SLC24A3: variants seen among roughly 807,000 people sequenced by gnomAD.
The protein encoded by SLC24A3 is sodium/potassium/calcium exchanger 3.
SLC24A3 carries 28 observed loss-of-function variants against 75.8 expected under a neutral mutation model. The ratio of observed to expected loss-of-function variants is 0.37; its 90% confidence interval spans 0.27 to 0.51. The LOEUF (loss-of-function observed/expected upper bound fraction) is 0.51, where lower values mean the gene tolerates loss of function less well. Among genes scored for constraint, SLC24A3 ranks in the 20% least tolerant of loss-of-function variants. The pLI, the probability that SLC24A3 is intolerant of heterozygous loss-of-function variation, is 0.94. For synonymous variants in SLC24A3, 372 were observed against 334.1 expected, an observed-to-expected ratio of 1.11 and a Z score of -1.24; for missense variants, 663 against 847.8, an observed-to-expected ratio of 0.78 and a Z score of 2.71.
At chr20:19,397,846 C>T (rs1376318549) in intron 2 of SLC24A3, among the ~76,000 whole-genome samples, 1 of 151,750 alleles carries the variant, frequency 6.6e-6, no homozygotes, top group Non-Finnish European at 1.5e-5. Context: ...AGGAGGAGCT[C>T]TAGGGCAACA....
intron 4 of SLC24A3, among the ~76,000 whole-genome samples, chr20:19,581,414 C>T (rs1271163155): frequency 6.6e-6 from 1 of 152,172 alleles, no homozygotes; most frequent in African/African-American, 2.4e-5. Flanking sequence ...CAGTTGTCAG[C>T]ATGTGTTCTA....
chr20:19,294,325 C>G (rs1344046484), intron 2 of SLC24A3, among the ~76,000 whole-genome samples: 2 of 151,998 alleles, frequency 1.3e-5, no homozygotes, highest in Non-Finnish European at 2.9e-5. Context: ...TTCTGGGATA[C>G]AGGTGCAGGA....
In SLC24A3 at chr20:19,283,732, T is replaced by C. The variant is rs1983727803; in HGVS notation, c.271+2645T>C. ...GAGTCTCTGTGTGCTTCTCTAGAAG[T>C]TGACATCATCATTCTGATCTTTCAT... is the stretch of plus-strand genomic sequence containing the variant. On this transcript the variant is annotated intron_variant, in intron 2 of 16. Coordinates refer to ENST00000328041, the MANE Select transcript of SLC24A3 (RefSeq NM_020689.4). Among the ~76,000 whole-genome samples the C allele has an allele frequency of 2.0e-5, 3 of 152,336 alleles. No individual in the cohort carries two copies. In the South Asian group the frequency reaches 6.2e-4, roughly 32 times the overall value.
chr20:19,341,309 C>T (rs1985268185), intron 2 of SLC24A3, among the ~76,000 whole-genome samples: 2 of 152,150 alleles, frequency 1.3e-5, no homozygotes, highest in Non-Finnish European at 2.9e-5. Flanking sequence ...ATACAGATTC[C>T]TGGGACCTGC....
chr20:19,308,418 G>A (rs990098), intron 2 of SLC24A3, among the ~76,000 whole-genome samples: 23,500 of 152,152 alleles, frequency 0.15, 4,436 homozygotes, highest in African/African-American at 0.43. Context: ...TTTGTTATGC[G>A]TTTTGTTTGG....
intron 4 of SLC24A3, among the ~76,000 whole-genome samples, chr20:19,581,565 G>A (rs888491069): frequency 6.6e-6 from 1 of 152,180 alleles, no homozygotes; most frequent in Admixed American, 6.5e-5. Context: ...GAAAGAAAAT[G>A]TTTAAGGAGG....
chr20:19,379,438 AT>A (rs3215576), intron 2 of SLC24A3, among the ~76,000 whole-genome samples: 32,021 of 151,790 alleles, frequency 0.21, 6,237 homozygotes, highest in African/African-American at 0.49. Flanking sequence ...GTGGGGTGCC[AT>A]TTTTTTTACT....
At chr20:19,432,179 G>T (rs1213351397) in intron 2 of SLC24A3, among the ~76,000 whole-genome samples, 1 of 151,672 alleles carries the variant, frequency 6.6e-6, no homozygotes, top group Non-Finnish European at 1.5e-5. Context: ...ATAGTGCTTA[G>T]CAAAAGCCAA....
chr20:19,278,426 CAG>C (rs1302078456), intron 1 of SLC24A3, among the ~76,000 whole-genome samples: 3 of 152,220 alleles, frequency 2.0e-5, no homozygotes, highest in African/African-American at 4.8e-5. Context: ...ATCCTTCTCT[CAG>C]GGGCTGCTTC....
At chr20:19,452,549 C>G (rs1281694166) in intron 2 of SLC24A3, among the ~76,000 whole-genome samples, 2 of 151,868 alleles carry the variant, frequency 1.3e-5, no homozygotes, top group Non-Finnish European at 2.9e-5. Flanking sequence ...TGGAAATAGT[C>G]AGAGGGAAGA....
At chr20:19,355,248 G>A (rs1443051998) in intron 2 of SLC24A3, 2 of 152,128 alleles carry the variant, frequency 1.3e-5, no homozygotes, top group Non-Finnish European at 2.9e-5. Context: ...TGTTTGGTTT[G>A]GAGGCCCCCT....
At chr20:19,329,233 T>A (rs1179043537) in intron 2 of SLC24A3, among the ~76,000 whole-genome samples, 2 of 152,176 alleles carry the variant, frequency 1.3e-5, no homozygotes, top group African/African-American at 4.8e-5. Flanking sequence ...ATAAGATTTT[T>A]TTTTTACTGG....
At chr20:19,580,173 C>G in intron 4 of SLC24A3, 99 bp downstream of exon 4, 1 of 956,530 alleles carries the variant, frequency 1.0e-6, no homozygotes, top group African/African-American at 1.6e-5. Flanking sequence ...GGGGAGCCCT[C>G]GCAGGGCAGC....
intron 4 of SLC24A3, among the ~76,000 whole-genome samples, chr20:19,584,254 T>C (rs554910213): frequency 6.6e-6 from 1 of 152,334 alleles, no homozygotes; most frequent in Non-Finnish European, 1.5e-5. Flanking sequence ...GCAGGGCTGA[T>C]GCCTCATTAC....
At chr20:19,540,126 G>C (rs1050956204) in intron 3 of SLC24A3, among the ~76,000 whole-genome samples, 1 of 152,314 alleles carries the variant, frequency 6.6e-6, no homozygotes, top group Admixed American at 6.5e-5. Context: ...ACTTGCTTCT[G>C]AGCCCCTTCC....
Position 19,721,263 on chromosome 20 carries a change from C to A in SLC24A3, c.*123C>A, listed in dbSNP as rs2033102374. ...CGTCTCTCCTGTGCTGTCCTCAGGC[C>A]TCCGCTCCTGTTTTGGTGGCCCAGG... On this transcript the variant is annotated 3_prime_UTR_variant, in exon 17 of 17. Coordinates refer to ENST00000328041, the MANE Select transcript of SLC24A3 (RefSeq NM_020689.4). 19 of 1,284,262 alleles carry A rather than the reference C, an allele frequency of 1.5e-5. No individual in the cohort carries two copies. In the South Asian group the frequency reaches 2.4e-4, roughly 17 times the overall value. 79.6% of individuals were successfully genotyped at this position (1,284,262 alleles called of 1,614,324 possible). A position where few individuals can be genotyped will look rare whatever the true frequency, so the allele number is the denominator to read the frequency against.
chr20:19,349,048 T>C (rs1985503127), intron 2 of SLC24A3, among the ~76,000 whole-genome samples: 1 of 152,170 alleles, frequency 6.6e-6, no homozygotes, highest in African/African-American at 2.4e-5. Context: ...ACAGGTGCTC[T>C]AGGCCTTCTT....
chr20:19,584,480 G>T (rs915587765), intron 4 of SLC24A3, among the ~76,000 whole-genome samples: 1 of 152,152 alleles, frequency 6.6e-6, no homozygotes, highest in African/African-American at 2.4e-5. Context: ...TGCATAAAAG[G>T]TTGGATTATT....
intron 2 of SLC24A3, among the ~76,000 whole-genome samples, chr20:19,357,910 C>T (rs1455901222): frequency 6.6e-6 from 1 of 152,224 alleles, no homozygotes; most frequent in African/African-American, 2.4e-5. Flanking sequence ...AATGGCCATG[C>T]TAATGATTTT....
Sources: allele counts gnomAD v4.1 joint callset (sites outside exome capture counted in the v4.1 genomes callset), GRCh38; gene constraint gnomAD v4.1.1; transcripts MANE v1.5; gene names NCBI Gene and HGNC (gene_info 2026-07-23, HGNC 2026-07-21).